Variants in FILIP1L observed in about 807,000 individuals in gnomAD.
The protein encoded by FILIP1L is filamin A-interacting protein 1-like.
FILIP1L carries 55 observed loss-of-function variants against 96.6 expected under a neutral mutation model. The ratio of observed to expected loss-of-function variants is 0.57; its 90% CI spans 0.46 to 0.71. The LOEUF (loss-of-function observed/expected upper bound fraction) is 0.71. Ranked by LOEUF, FILIP1L falls within the 30% of genes least tolerant of loss-of-function variation. The probability of loss-of-function intolerance (pLI) is 0.00; values close to 1 mark genes in which losing one functional copy is unlikely to be tolerated. For synonymous variants in FILIP1L, 467 were observed against 473.9 expected (o/e 0.99, Z 0.19); for missense variants, 1,304 against 1,321.2 (o/e 0.99, Z 0.20).
chr3:100,092,381 A>G (rs1317794912), intron 1 of FILIP1L, among the ~76,000 whole-genome samples: 1 of 152,150 alleles, frequency 6.6e-6, no homozygotes, highest in African/African-American at 2.4e-5. Flanking sequence ...ATGGTATACA[A>G]GATAATGAAC....
intron 1 of FILIP1L, among the ~76,000 whole-genome samples, chr3:99,997,188 T>C (rs757156409): frequency 5.3e-5 from 8 of 152,126 alleles, no homozygotes; most frequent in Non-Finnish European, 8.8e-5. Context: ...GTTGGTTCTT[T>C]GAAAGGATAA....
At chr3:99,934,110 C>T (rs1272821202) in intron 1 of FILIP1L, among the ~76,000 whole-genome samples, 1 of 152,174 alleles carries the variant, frequency 6.6e-6, no homozygotes, top group East Asian at 1.9e-4. Context: ...GACCAGGCTT[C>T]CCCACATGGT....
intron 4 of FILIP1L, among the ~76,000 whole-genome samples, chr3:99,921,252 C>G (rs1480628487): frequency 2.0e-5 from 3 of 152,180 alleles, no homozygotes; most frequent in Non-Finnish European, 1.5e-5. Flanking sequence ...ATTTCACACT[C>G]TTGTGTGTAA....
intron 1 of FILIP1L, among the ~76,000 whole-genome samples, chr3:100,076,427 G>T (rs1332471303): frequency 2.0e-5 from 3 of 152,134 alleles, no homozygotes; most frequent in Non-Finnish European, 4.4e-5. Flanking sequence ...TTTTATCATT[G>T]TCAGCATGTG....
At chr3:100,088,999 G>A (rs577210551) in intron 1 of FILIP1L, among the ~76,000 whole-genome samples, 7 of 152,290 alleles carry the variant, frequency 4.6e-5, no homozygotes, top group Admixed American at 3.3e-4. Flanking sequence ...ACACTCTCCA[G>A]AGAGAAAGTA....
chr3:99,985,047 AC>A (rs1709290815), intron 1 of FILIP1L, among the ~76,000 whole-genome samples: 1 of 152,240 alleles, frequency 6.6e-6, no homozygotes, highest in South Asian at 2.1e-4. Flanking sequence ...GGGGCAGGGT[AC>A]CAGGTATATA....
rs1433879348 is a variant in FILIP1L at position 99,885,324 on chromosome 3, GA to G, written c.606-34255del. On this transcript the variant is annotated intron_variant, in intron 4 of 5. Coordinates refer to ENST00000477258, the MANE Select transcript of FILIP1L (RefSeq NM_001387850.1). ...GTTGACTCTCAGTGACTTCCACTTT[GA>G]CTCTGAGATTTATCTTCAAATGCTG... is the stretch of plus-strand genomic sequence containing the variant. Among the ~76,000 whole-genome samples the G allele has an allele frequency of 2.0e-5, 3 of 152,278 alleles. No individual in the cohort carries two copies. In the East Asian group the frequency reaches 5.8e-4, roughly 29 times the overall value.
rs970614128 is a variant in FILIP1L at position 99,957,221 on chromosome 3, C to T, written c.-10-26191G>A. Among the ~76,000 whole-genome samples, 4 of 151,990 alleles carry T rather than the reference C, an allele frequency of 2.6e-5. No homozygotes were observed. The South Asian group carries it at 8.3e-4, about 32-fold the overall frequency. On this transcript the variant is annotated intron_variant, in intron 1 of 5. Coordinates refer to ENST00000477258, the MANE Select transcript of FILIP1L (RefSeq NM_001387850.1). The stretch of plus-strand genomic sequence containing the variant: ...TGATTTGGCAGTGAAAGGGCCAAGC[C>T]GGTGATAAAGCATGGAAAGTAGTAA...
In FILIP1L at chr3:100,114,395, T is replaced by A. The variant is rs1384787063; in HGVS notation, c.-353A>T. 6.6e-6 allele frequency: 1 copy of A among 152,222 alleles called. No individual in the cohort carries two copies. The highest frequency in any genetic ancestry group is 1.5e-5 in the Non-Finnish European group (1 of 68,192). 9.4% of individuals were successfully genotyped at this position (152,222 alleles called of 1,614,324 possible). A position where few individuals can be genotyped will look rare whatever the true frequency, so the allele number is the denominator to read the frequency against. On this transcript the variant is annotated 5_prime_UTR_variant, in exon 1 of 6. Coordinates refer to ENST00000477258, the MANE Select transcript of FILIP1L (RefSeq NM_001387850.1). ...CTTGCCAGTCTCTGTGGAAGAAAGG[T>A]TCTAACTGGACTGGGCTGCAGGATG... is the stretch of plus-strand genomic sequence containing the variant.
At chr3:100,043,459 T>G (rs948899800) in intron 1 of FILIP1L, among the ~76,000 whole-genome samples, 4 of 152,176 alleles carry the variant, frequency 2.6e-5, no homozygotes, top group African/African-American at 9.7e-5. Context: ...ATACTCTCAC[T>G]TCTCTATTTT....
At chr3:100,078,318 A>C (rs1265983432) in intron 1 of FILIP1L, among the ~76,000 whole-genome samples, 1 of 152,230 alleles carries the variant, frequency 6.6e-6, no homozygotes. Flanking sequence ...AATCCAGAGA[A>C]AACGTAGAAC....
At chr3:100,108,021 A>G (rs1242448616) in intron 1 of FILIP1L, among the ~76,000 whole-genome samples, 2 of 152,134 alleles carry the variant, frequency 1.3e-5, no homozygotes, top group Non-Finnish European at 2.9e-5. Flanking sequence ...CTTAATGCCA[A>G]AACCATGAAA....
chr3:100,034,435 C>T (rs1284841801), intron 1 of FILIP1L, among the ~76,000 whole-genome samples: 2 of 152,166 alleles, frequency 1.3e-5, no homozygotes, highest in African/African-American at 2.4e-5. Context: ...CATTTTCACA[C>T]TGGCTTTAGT....
chr3:100,006,625 T>A (rs1331342895), intron 1 of FILIP1L, among the ~76,000 whole-genome samples: 1 of 151,834 alleles, frequency 6.6e-6, no homozygotes, highest in African/African-American at 2.4e-5. Context: ...TGATGAGAAT[T>A]CAGCTCATTT....
chr3:99,838,367 A>C (rs545817445), intron 5 of FILIP1L, among the ~76,000 whole-genome samples: 1 of 152,194 alleles, frequency 6.6e-6, no homozygotes, highest in South Asian at 2.1e-4. Context: ...ACTCTTGGCT[A>C]TGGTGATCAT....
Position 99,852,656 on chromosome 3 carries a change from G to C in FILIP1L, c.606-1586C>G, listed in dbSNP as rs1005830708. On this transcript the variant is annotated intron_variant, in intron 4 of 5. Transcript: ENST00000477258. Reference sequence around the variant, plus strand: ...AGACAGGGTTTCACCATGTTGGCCAGGATGGTCTCGATCTCCTGACCTTGT... The same window carrying C: ...AGACAGGGTTTCACCATGTTGGCCACGATGGTCTCGATCTCCTGACCTTGT... Among the ~76,000 whole-genome samples the C allele has an allele frequency of 9.2e-5, 14 of 152,166 alleles. No individual in the cohort carries two copies. The East Asian group carries it at 2.7e-3, about 29-fold the overall frequency.
chr3:99,944,033 A>C (rs1422552551), intron 1 of FILIP1L, among the ~76,000 whole-genome samples: 1 of 152,230 alleles, frequency 6.6e-6, no homozygotes. Context: ...ATACAACTTT[A>C]TCTCTTGGTT....
At chr3:99,966,520 C>G (rs1440063330) in intron 1 of FILIP1L, among the ~76,000 whole-genome samples, 1 of 152,124 alleles carries the variant, frequency 6.6e-6, no homozygotes, top group Non-Finnish European at 1.5e-5. Flanking sequence ...AGTACGGAGA[C>G]TTAGACTGAG....
chr3:100,070,996 T>C (rs772118525), intron 1 of FILIP1L, among the ~76,000 whole-genome samples: 5 of 152,122 alleles, frequency 3.3e-5, no homozygotes, highest in Admixed American at 6.5e-5. Flanking sequence ...TTTTTTGTTT[T>C]GCTTTTAAGC....
Sources: allele counts gnomAD v4.1 joint callset (sites outside exome capture counted in the v4.1 genomes callset), GRCh38; gene constraint gnomAD v4.1.1; transcripts MANE v1.5; gene names NCBI Gene and HGNC (gene_info 2026-07-23, HGNC 2026-07-21).